The following TANC2 variants were observed in gnomAD, a reference collection of about 807,000 sequenced individuals.
The protein encoded by TANC2 is tetratricopeptide repeat, ankyrin repeat and coiled-coil containing 2.
TANC2 carries 26 observed loss-of-function variants against 210.5 expected under a neutral mutation model. The observed-to-expected ratio is 0.12, with a 90% CI of 0.09 to 0.17. The LOEUF is 0.17. Among genes scored for constraint, TANC2 ranks in the 10% least tolerant of loss-of-function variants. The pLI is 1.00. For missense variants in TANC2, 2,129 were observed against 2,608.9 expected, an observed-to-expected ratio of 0.82 and a Z score of 4.01; for synonymous variants, 931 against 967.1, an observed-to-expected ratio of 0.96 and a Z score of 0.69.
intron 8 of TANC2, among the ~76,000 whole-genome samples, chr17:63,249,191 G>A (rs2042991976): frequency 6.6e-6 from 1 of 152,076 alleles, no homozygotes; most frequent in Admixed American, 6.6e-5. Context: ...CAATATTAAG[G>A]CTCGGAATTT....
intron 1 of TANC2, among the ~76,000 whole-genome samples, chr17:62,995,982 C>T (rs1035645447): frequency 5.3e-5 from 8 of 152,324 alleles, no homozygotes; most frequent in African/African-American, 1.9e-4. Context: ...AGCAATTTAT[C>T]TCAGTCAACA....
At chr17:63,079,823 C>A (rs1049420949) in intron 3 of TANC2, among the ~76,000 whole-genome samples, 4 of 152,188 alleles carry the variant, frequency 2.6e-5, no homozygotes, top group African/African-American at 9.7e-5. Context: ...GGTCTCTGAT[C>A]TGTCTCTCTG....
chr17:63,345,836 G>A (rs1448473575), intron 12 of TANC2, among the ~76,000 whole-genome samples: 1 of 152,124 alleles, frequency 6.6e-6, no homozygotes, highest in Non-Finnish European at 1.5e-5. Flanking sequence ...CAGGGATGGG[G>A]GGCTGATTTG....
intron 11 of TANC2, among the ~76,000 whole-genome samples, chr17:63,323,911 G>A (rs2045568493): frequency 6.6e-6 from 1 of 152,194 alleles, no homozygotes; most frequent in Admixed American, 6.5e-5. Context: ...CCATAAGCTA[G>A]TACATGACTG....
chr17:63,028,285 A>G (rs983258381), intron 2 of TANC2, among the ~76,000 whole-genome samples: 7 of 152,164 alleles, frequency 4.6e-5, no homozygotes, highest in Non-Finnish European at 7.4e-5. Flanking sequence ...TTTTGCCTGT[A>G]TAGGGGAAGT....
rs915736939 is a variant in TANC2, at chr17:62,966,779, A to C, written c.-24+30A>C. 6.6e-5 allele frequency: 10 copies of C among 152,184 alleles called. No homozygotes were observed. The highest frequency in any genetic ancestry group is 2.4e-4 in the African/African-American group (10 of 41,348). 9.4% of individuals were successfully genotyped at this position (152,184 alleles called of 1,614,324 possible). Reference sequence around the variant, plus strand: ...GGGGCCCGGGGAGCAGGGCGAGGAAAGGTCGCTTCAGTGACAGGGTCGTTC... The same window carrying C: ...GGGGCCCGGGGAGCAGGGCGAGGAACGGTCGCTTCAGTGACAGGGTCGTTC... On this transcript the variant is annotated intron_variant, in intron 1 of 27. Coordinates refer to ENST00000689528, the Ensembl canonical transcript of TANC2. The surrounding 1 kb of genome is among the most constrained non-coding windows in gnomAD (Gnocchi z 5.1).
chr17:63,240,985 A>G (rs1366030395), intron 8 of TANC2, among the ~76,000 whole-genome samples: 3 of 152,236 alleles, frequency 2.0e-5, no homozygotes, highest in Non-Finnish European at 4.4e-5. Context: ...ACTCCAGTAG[A>G]GGTTCCATAG....
intron 15 of TANC2, among the ~76,000 whole-genome samples, chr17:63,381,875 G>T (rs545259516): frequency 3.3e-5 from 5 of 152,138 alleles, no homozygotes; most frequent in Non-Finnish European, 5.9e-5. Flanking sequence ...ATTTATTGCC[G>T]ACAAAAAGAT....
chr17:63,105,085 G>A (rs980472060), intron 4 of TANC2, among the ~76,000 whole-genome samples: 2 of 151,694 alleles, frequency 1.3e-5, no homozygotes, highest in Admixed American at 1.3e-4. Context: ...TCAAATATGT[G>A]TTCTGAGCTT....
At chr17:63,197,250 G>A (rs1402355329) in intron 6 of TANC2, among the ~76,000 whole-genome samples, 1 of 152,002 alleles carries the variant, frequency 6.6e-6, no homozygotes, top group Admixed American at 6.6e-5. Context: ...AGGTTGATAA[G>A]GAGTAAATGA....
At chr17:63,242,650 C>G (rs1193227112) in intron 8 of TANC2, among the ~76,000 whole-genome samples, 1 of 151,952 alleles carries the variant, frequency 6.6e-6, no homozygotes, top group African/African-American at 2.4e-5. Context: ...GGGATTCATT[C>G]AAAAGAAATG....
intron 6 of TANC2, among the ~76,000 whole-genome samples, chr17:63,196,928 A>T (rs2041364258): frequency 6.6e-6 from 1 of 152,230 alleles, no homozygotes; most frequent in Non-Finnish European, 1.5e-5. Context: ...TGGTATTCAT[A>T]TCCAGGCAGT....
At chr17:63,295,475 AAAC>A (rs1263061632) in intron 9 of TANC2, among the ~76,000 whole-genome samples, 1 of 152,202 alleles carries the variant, frequency 6.6e-6, no homozygotes, top group Admixed American at 6.5e-5. Flanking sequence ...GCCTCCTTTG[AAAC>A]AACATGTAAA....
chr17:63,109,497 A>G (rs552296937), intron 4 of TANC2, among the ~76,000 whole-genome samples: 1 of 151,854 alleles, frequency 6.6e-6, no homozygotes, highest in South Asian at 2.1e-4. Flanking sequence ...ACTTAAAATT[A>G]TGACTAGCCT....
chr17:63,378,028 G>A (rs2047480322), intron 14 of TANC2, among the ~76,000 whole-genome samples: 1 of 152,114 alleles, frequency 6.6e-6, no homozygotes, highest in Non-Finnish European at 1.5e-5. Context: ...TCCCTCCCAT[G>A]ACACGTGGGG....
intron 1 of TANC2, among the ~76,000 whole-genome samples, chr17:63,002,274 A>C (rs2033421134): frequency 6.6e-6 from 1 of 152,250 alleles, no homozygotes; most frequent in African/African-American, 2.4e-5. Flanking sequence ...GGTGCCAGTT[A>C]GCCAAAGGCA....
intron 4 of TANC2, among the ~76,000 whole-genome samples, chr17:63,142,355 A>G (rs930302192): frequency 2.0e-5 from 3 of 152,194 alleles, no homozygotes; most frequent in Non-Finnish European, 2.9e-5. Flanking sequence ...GAATTTGCCC[A>G]TTTCATCTAA....
At chr17:63,265,941 T>G (rs141151677) in intron 8 of TANC2, among the ~76,000 whole-genome samples, 161 of 152,314 alleles carry the variant, frequency 1.1e-3, no homozygotes, top group African/African-American at 3.7e-3. Flanking sequence ...AATAAACTTT[T>G]AAAAAGATTA....
exon 28 of TANC2, chr17:63,424,815 AAAAG>A (rs371888356): frequency 3.9e-4 from 60 of 152,330 alleles, no homozygotes; most frequent in African/African-American, 1.4e-3. Context: ...TTTTCAAGAA[AAAAG>A]GAAAGGAAAG....
Sources: gnomAD v4.1 joint callset for allele counts (sites outside exome capture counted in the v4.1 genomes callset) on GRCh38, gnomAD v4.1.1 for gene constraint, Gnocchi (gnomAD v3.1) non-coding constraint, MANE v1.5 for transcripts, NCBI Gene and HGNC (gene_info 2026-07-23, HGNC 2026-07-21) for gene names.